ZC3H14: variants seen among roughly 807,000 people sequenced by gnomAD.
ZC3H14 encodes zinc finger CCCH domain-containing protein 14.
Under a neutral mutation model 92.4 loss-of-function variants are expected in ZC3H14, and 31 were observed. The observed-to-expected ratio is 0.34, with a 90% CI of 0.25 to 0.45. The LOEUF is 0.45. Among genes scored for constraint, ZC3H14 ranks in the 20% least tolerant of loss-of-function variants. ZC3H14 has a pLI of 1.00. For missense variants in ZC3H14, 781 were observed against 897.3 expected (o/e 0.87, Z 1.66); for synonymous variants, 321 against 300.9 (o/e 1.07, Z -0.69).
rs2088134569 is a variant in ZC3H14 at position 88,618,431 on chromosome 14, T to C, written c.*6680T>C. 2.6e-6 allele frequency: 3 copies of C among 1,155,518 alleles called. No individual in the cohort carries two copies. The allele number at this position is 1,155,518 out of a possible 1,614,324, so 71.6% of individuals were successfully genotyped here. A position where few individuals can be genotyped will look rare whatever the true frequency, so the allele number is the denominator to read the frequency against. On this transcript the variant is annotated 3_prime_UTR_variant, in exon 17 of 17. Coordinates refer to ENST00000251038, the MANE Select transcript of ZC3H14 (RefSeq NM_024824.5). ...CTAGCATATTGCTACTTGATTTACATGTCTAACATTATTAAGTATGCAAAA... is the reference window on the plus strand; with the variant it reads ...CTAGCATATTGCTACTTGATTTACACGTCTAACATTATTAAGTATGCAAAA...
Position 88,563,079 on chromosome 14 carries a change from G to T in ZC3H14, c.-55G>T. 6.5e-7 allele frequency: 1 copy of T among 1,550,050 alleles called. No individual in the cohort carries two copies. Reference sequence around the variant, plus strand: ...GGCTGCGGGGTAGGAGTCCGCGGCAGCCTCCGGGTAAGCCAAGCGCCGCGC... The same window carrying T: ...GGCTGCGGGGTAGGAGTCCGCGGCATCCTCCGGGTAAGCCAAGCGCCGCGC... On this transcript the variant is annotated 5_prime_UTR_variant, in exon 1 of 17. Transcript: ENST00000251038.
chr14:88,597,734 C>T (rs1182347988), intron 10 of ZC3H14, among the ~76,000 whole-genome samples: 2 of 152,220 alleles, frequency 1.3e-5, no homozygotes, highest in African/African-American at 2.4e-5. Flanking sequence ...TCTCATCTCC[C>T]AGCAGTCCGT....
chr14:88,608,457 A>G (rs1311844224), intron 13 of ZC3H14: 5 of 311,512 alleles, frequency 1.6e-5, no homozygotes, highest in East Asian at 9.6e-5. Context: ...TTTTAGTTTT[A>G]TAACTAAATG....
rs545447849 is a variant in ZC3H14, at chr14:88,602,221, A to G, written c.1514+138A>G. The G allele has an allele frequency of 2.5e-5, 29 of 1,139,202 alleles. No individual in the cohort carries two copies. In the African/African-American group the frequency reaches 2.9e-4, roughly 12 times the overall value. 70.6% of individuals were successfully genotyped at this position (1,139,202 alleles called of 1,614,324 possible). A position where few individuals can be genotyped will look rare whatever the true frequency, so the allele number is the denominator to read the frequency against. On this transcript the variant is annotated intron_variant, in intron 11 of 16. Coordinates refer to ENST00000251038, the MANE Select transcript of ZC3H14 (RefSeq NM_024824.5). ...CATTGATTCAGTAGCTAGCCCATGA[A>G]TAGTTAGCCAAATTCAGTTTTCAAG... is the stretch of plus-strand genomic sequence containing the variant.
intron 10 of ZC3H14, among the ~76,000 whole-genome samples, chr14:88,598,520 A>G (rs2084170445): frequency 6.6e-6 from 1 of 152,212 alleles, no homozygotes; most frequent in Non-Finnish European, 1.5e-5. Context: ...CTCTTGGTCC[A>G]GGGACTCTGT....
chr14:88,581,412 T>C (rs1010306427), intron 9 of ZC3H14, among the ~76,000 whole-genome samples: 2 of 151,804 alleles, frequency 1.3e-5, no homozygotes, highest in Non-Finnish European at 2.9e-5. Context: ...TACAAAAAAA[T>C]TAGCTGGGTG....
In ZC3H14 at chr14:88,615,678, T is replaced by C; in HGVS notation, c.*3927T>C. ...CAAATATTTTGAACAGATCAGTCTT[T>C]CACTATTTTGATGATTCTGGGCATT... On this transcript the variant is annotated 3_prime_UTR_variant, in exon 17 of 17. Coordinates refer to ENST00000251038, the MANE Select transcript of ZC3H14 (RefSeq NM_024824.5). 1 of 733,454 alleles carries C rather than the reference T, an allele frequency of 1.4e-6. No homozygotes were observed. Among genetic ancestry groups the C allele is most frequent in the South Asian group, 1.9e-5 (1 of 52,512 alleles). The allele number at this position is 733,454 out of a possible 1,614,324, so 45.4% of individuals were successfully genotyped here. A position where few individuals can be genotyped will look rare whatever the true frequency, so the allele number is the denominator to read the frequency against.
Position 88,572,103 on chromosome 14 carries a change from T to C in ZC3H14, c.309T>C (p.Ser103=). The C allele has an allele frequency of 2.5e-6, 4 of 1,614,136 alleles. No homozygotes were observed. The highest frequency in any genetic ancestry group is 3.4e-6 in the Non-Finnish European group (4 of 1,180,034). ...TGCCTTCAAACAAGAGCAATTTCAGTCGGGGAGATGAGAGGAGGCATGAAG... is the reference window on the plus strand; with the variant it reads ...TGCCTTCAAACAAGAGCAATTTCAGCCGGGGAGATGAGAGGAGGCATGAAG... ...SNVPSNKSNF[S]RGDERRHEAA... is the part of the protein sequence containing the mutation. Residue 103 remains serine, a synonymous_variant, in exon 5 of 17, where the codon AGT becomes AGC. Coordinates refer to ENST00000251038, the MANE Select transcript of ZC3H14 (RefSeq NM_024824.5).
chr14:88,572,284 T>G (rs190084813), intron 5 of ZC3H14, 59 bp downstream of exon 5: 2 of 1,566,572 alleles, frequency 1.3e-6, no homozygotes, highest in African/African-American at 2.7e-5. Flanking sequence ...GACATTTATA[T>G]TAGTTTTTAT....
chr14:88,585,261 C>G (rs1395810463), intron 9 of ZC3H14, among the ~76,000 whole-genome samples: 1 of 152,060 alleles, frequency 6.6e-6, no homozygotes, highest in Non-Finnish European at 1.5e-5. Flanking sequence ...TTGCATTTGC[C>G]TGCTTTTCTG....
At chr14:88,583,821 A>G (rs1035769632) in intron 9 of ZC3H14, among the ~76,000 whole-genome samples, 1 of 152,222 alleles carries the variant, frequency 6.6e-6, no homozygotes, top group Admixed American at 6.5e-5. Context: ...TCAGTAGATA[A>G]AGCTCTACTG....
At chr14:88,580,596 A>C (rs1353319775) in intron 9 of ZC3H14, among the ~76,000 whole-genome samples, 7 of 152,224 alleles carry the variant, frequency 4.6e-5, no homozygotes, top group Admixed American at 3.9e-4. Context: ...AATAGGCAAT[A>C]GAAATACAGT....
intron 2 of ZC3H14, chr14:88,567,807 A>G: frequency 1.8e-6 from 1 of 561,154 alleles, no homozygotes; most frequent in African/African-American, 1.9e-5. Flanking sequence ...CCTATAATTC[A>G]GAATGTTTAG....
intron 2 of ZC3H14, 85 bp downstream of exon 2, chr14:88,563,778 C>T: frequency 1.5e-6 from 2 of 1,315,502 alleles, no homozygotes; most frequent in African/African-American, 1.4e-5. Context: ...TCTCACCGTA[C>T]TTTGGACATT....
At chr14:88,567,124 A>ATTTTTT (rs1555395154) in intron 2 of ZC3H14, among the ~76,000 whole-genome samples, 4 of 145,310 alleles carry the variant, frequency 2.8e-5, no homozygotes, top group East Asian at 4.0e-4. Context: ...TTATTTATTT[A>ATTTTTT]TTTTTTTTTG....
intron 4 of ZC3H14, among the ~76,000 whole-genome samples, chr14:88,571,725 G>A (rs2080419651): frequency 6.6e-6 from 1 of 152,190 alleles, no homozygotes. Flanking sequence ...ATTTTGGGAG[G>A]CCAAGGTGGG....
chr14:88,590,211 G>A (rs775125996), intron 9 of ZC3H14: 5 of 152,214 alleles, frequency 3.3e-5, no homozygotes, highest in African/African-American at 4.8e-5. Flanking sequence ...TTCTTACAAG[G>A]TGTGCCTGCT....
Position 88,578,117 on chromosome 14 carries a change from G to A in ZC3H14, c.1256G>A (p.Gly419Glu). 1 of 1,614,048 alleles carries A rather than the reference G, an allele frequency of 6.2e-7. No homozygotes were observed. Among genetic ancestry groups the A allele is most frequent in the South Asian group, 1.1e-5 (1 of 91,076 alleles). Residue 419 changes from glycine (G) to glutamate (E), a missense_variant, in exon 9 of 17, where the codon GGA (glycine) becomes GAA (glutamate). Physicochemically the swap from Gly to Glu is moderately conservative, Grantham distance 98. This residue lies in a region of ZC3H14 where 454 missense variants were observed against 438.5 expected (regional missense o/e 1.04). Transcript: ENST00000251038. ...SPPIKEEETK[G>E]DSVEKNQGTQ... Reference sequence around the variant, plus strand: ...CCCATTAAAGAAGAGGAAACAAAAGGAGATTCTGTAGAAAAAAATCAAGGT... The same window carrying A: ...CCCATTAAAGAAGAGGAAACAAAAGAAGATTCTGTAGAAAAAAATCAAGGT...
At chr14:88,611,633 C>G in intron 16 of ZC3H14, 112 bp from the exon 17 acceptor site, 2 of 1,292,288 alleles carry the variant, frequency 1.5e-6, no homozygotes, top group Non-Finnish European at 2.2e-6. Flanking sequence ...ATATTGTAAT[C>G]TTATGACCAA....
Sources: allele counts gnomAD v4.1 joint callset (sites outside exome capture counted in the v4.1 genomes callset), GRCh38; gene constraint gnomAD v4.1.1; regional missense constraint gnomAD v4.1.1; transcripts MANE v1.5; gene names NCBI Gene and HGNC (gene_info 2026-07-23, HGNC 2026-07-21).